The following MND1 variants were observed in gnomAD, a reference collection of about 807,000 sequenced individuals.
The protein encoded by MND1 is meiotic nuclear divisions 1.
A neutral mutation model predicts 35.1 loss-of-function variants in MND1; 28 were observed. The observed-to-expected ratio is 0.80, with a 90% CI of 0.59 to 1.09. The LOEUF is 1.09. Ranked by LOEUF, MND1 falls within the 50% of genes least tolerant of loss-of-function variation. The pLI, the probability that MND1 is intolerant of heterozygous loss-of-function variation, is 0.00. For synonymous variants in MND1, 69 were observed against 70.5 expected (o/e 0.98, Z 0.11); for missense variants, 213 against 239.6 (o/e 0.89, Z 0.73).
intron 3 of MND1, among the ~76,000 whole-genome samples, chr4:153,357,290 A>G (rs1008243493): frequency 6.6e-6 from 1 of 152,158 alleles, no homozygotes; most frequent in South Asian, 2.1e-4. Context: ...TCATCAGTGA[A>G]CAATTGGTTC....
intron 5 of MND1, among the ~76,000 whole-genome samples, chr4:153,395,925 G>A (rs1397337761): frequency 3.9e-5 from 6 of 151,994 alleles, no homozygotes; most frequent in Non-Finnish European, 8.8e-5. Context: ...GAATATCTCT[G>A]TATTGCCCAG....
chr4:153,400,029 A>G (rs1210084305), intron 6 of MND1, among the ~76,000 whole-genome samples: 6 of 150,532 alleles, frequency 4.0e-5, no homozygotes, highest in Non-Finnish European at 7.4e-5. Context: ...AGCTTCCCAA[A>G]TAGCTGGGAC....
chr4:153,405,869 A>T (rs1032602445), intron 6 of MND1, among the ~76,000 whole-genome samples: 4 of 152,086 alleles, frequency 2.6e-5, no homozygotes, highest in African/African-American at 2.4e-5. Flanking sequence ...CAGTGGCATG[A>T]TCTTGGCTCA....
chr4:153,397,911 GAAGGATA>G (rs1729243469), intron 6 of MND1, among the ~76,000 whole-genome samples: 1 of 146,862 alleles, frequency 6.8e-6, no homozygotes, highest in Non-Finnish European at 1.5e-5. Flanking sequence ...GTGTGGGATA[GAAGGATA>G]AAGACATAAA....
chr4:153,362,993 T>G, intron 4 of MND1: 1 of 985,326 alleles, frequency 1.0e-6, no homozygotes, highest in Non-Finnish European at 1.2e-6. Context: ...ATAGGTGACT[T>G]TCCCCCACCC....
Position 153,356,806 on chromosome 4 carries a change from G to A in MND1, c.127+1095G>A, listed in dbSNP as rs932146853. Among the ~76,000 whole-genome samples, 8 of 151,218 alleles carry A rather than the reference G, an allele frequency of 5.3e-5. No individual in the cohort carries two copies. In the East Asian group the frequency reaches 1.6e-3, roughly 29 times the overall value. The stretch of plus-strand genomic sequence containing the variant: ...TTTTATTTTATTTATTTATTTATTT[G>A]TTTATTTATTTATTTGAGACAGAGT... On this transcript the variant is annotated intron_variant, in intron 3 of 7. Coordinates refer to ENST00000240488, the MANE Select transcript of MND1 (RefSeq NM_032117.4).
chr4:153,392,071 A>G (rs1729061041), intron 4 of MND1, among the ~76,000 whole-genome samples: 1 of 151,662 alleles, frequency 6.6e-6, no homozygotes, highest in East Asian at 1.9e-4. Context: ...TATTGTGAAC[A>G]GTTAGGTTTT....
At chr4:153,397,409 C>T in intron 6 of MND1, 76 bp downstream of exon 6, 2 of 1,004,808 alleles carry the variant, frequency 2.0e-6, no homozygotes, top group South Asian at 3.1e-5. Flanking sequence ...TGCCTGCTAA[C>T]TATTCTCCAT....
At chr4:153,412,821 T>C (rs1259848623) in intron 7 of MND1, among the ~76,000 whole-genome samples, 1 of 150,832 alleles carries the variant, frequency 6.6e-6, no homozygotes, top group Non-Finnish European at 1.5e-5. Flanking sequence ...TTTTTTTTTT[T>C]TTGAGACGGA....
At chr4:153,408,748 A>G (rs548051666) in intron 6 of MND1, among the ~76,000 whole-genome samples, 10 of 152,080 alleles carry the variant, frequency 6.6e-5, no homozygotes, top group South Asian at 2.1e-4. Flanking sequence ...TACTAATACT[A>G]CTGCAACTCC....
intron 2 of MND1, among the ~76,000 whole-genome samples, chr4:153,353,907 A>G (rs1422102815): frequency 3.3e-5 from 5 of 152,142 alleles, no homozygotes; most frequent in Non-Finnish European, 7.3e-5. Context: ...TTTAGTAGAA[A>G]CAGAGTTTTG....
At chr4:153,345,683 A>G (rs1773060642) in intron 1 of MND1, among the ~76,000 whole-genome samples, 1 of 152,216 alleles carries the variant, frequency 6.6e-6, no homozygotes, top group Non-Finnish European at 1.5e-5. Flanking sequence ...TGCCGAGCTA[A>G]GGGGGGCAGG....
chr4:153,361,540 C>T (rs973820473), intron 4 of MND1: 2 of 456,168 alleles, frequency 4.4e-6, no homozygotes, highest in Admixed American at 4.7e-5. Context: ...ATTAAAGTCT[C>T]CTATTATAGA....
chr4:153,414,941 G>A lies in MND1; in HGVS notation c.*84G>A, dbSNP rs572319634. On this transcript the variant is annotated 3_prime_UTR_variant, in exon 8 of 8. Transcript: ENST00000240488. Reference sequence around the variant, plus strand: ...ATCTAACTAAGTGTACTGAATTGTCGTTTGCCTGTAACTGTGTTTATCATT... The same window carrying A: ...ATCTAACTAAGTGTACTGAATTGTCATTTGCCTGTAACTGTGTTTATCATT... The A allele has an allele frequency of 3.0e-5, 17 of 560,014 alleles. No homozygotes were observed. The highest frequency in any genetic ancestry group is 1.6e-4 in the African/African-American group (8 of 50,802). The allele number at this position is 560,014 out of a possible 1,614,324, so 34.7% of individuals were successfully genotyped here.
intron 1 of MND1, among the ~76,000 whole-genome samples, chr4:153,345,044 C>G (rs1475380800): frequency 6.6e-6 from 1 of 152,240 alleles, no homozygotes; most frequent in Non-Finnish European, 1.5e-5. Context: ...GGTTAGAACG[C>G]GGGAAGCGTT....
At chr4:153,351,158 A>G (rs1250256724) in intron 2 of MND1, among the ~76,000 whole-genome samples, 1 of 152,196 alleles carries the variant, frequency 6.6e-6, no homozygotes, top group Admixed American at 6.5e-5. Context: ...TCTCAGCAAG[A>G]AAAGTAAGTT....
chr4:153,408,936 A>G, intron 6 of MND1, 35 bp from the exon 7 acceptor site: 1 of 804,352 alleles, frequency 1.2e-6, no homozygotes, highest in Non-Finnish European at 1.7e-6. Flanking sequence ...ATATATATAA[A>G]TACATTTCAT....
At chr4:153,376,699 A>G (rs1207979294) in intron 4 of MND1, among the ~76,000 whole-genome samples, 3 of 152,118 alleles carry the variant, frequency 2.0e-5, no homozygotes, top group African/African-American at 7.2e-5. Flanking sequence ...TCCAAAATTT[A>G]TTTTTGTATT....
intron 6 of MND1, among the ~76,000 whole-genome samples, chr4:153,405,220 C>T (rs1729460999): frequency 1.3e-5 from 2 of 152,202 alleles, no homozygotes; most frequent in South Asian, 4.1e-4. Flanking sequence ...ACTCAAATTT[C>T]CCAATTTCAA....
Sources: gnomAD v4.1 joint callset for allele counts (sites outside exome capture counted in the v4.1 genomes callset) on GRCh38, gnomAD v4.1.1 for gene constraint, MANE v1.5 for transcripts, NCBI Gene and HGNC (gene_info 2026-07-23, HGNC 2026-07-21) for gene names.